The following PRKG1 variants were observed in gnomAD, a reference collection of about 807,000 sequenced individuals.
The protein encoded by PRKG1 is cGMP-dependent protein kinase 1.
Under a neutral mutation model 88.1 loss-of-function variants are expected in PRKG1, and 35 were observed. That is an observed-to-expected ratio of 0.40 (90% CI 0.30 to 0.53). The LOEUF (loss-of-function observed/expected upper bound fraction) is 0.53, where lower values mean the gene tolerates loss of function less well. Ranked by LOEUF, PRKG1 falls within the 20% of genes least tolerant of loss-of-function variation. The pLI is 0.59. For missense variants in PRKG1, 540 were observed against 839.8 expected, an observed-to-expected ratio of 0.64 and a Z score of 4.41; for synonymous variants, 303 against 292.5, an observed-to-expected ratio of 1.04 and a Z score of -0.37.
At chr10:51,679,776 G>A (rs536421438) in intron 3 of PRKG1, among the ~76,000 whole-genome samples, 1 of 139,884 alleles carries the variant, frequency 7.1e-6, no homozygotes, top group Non-Finnish European at 1.5e-5. Flanking sequence ...ACATTGTGCA[G>A]GTTAGTTACA....
chr10:51,330,164 T>A (rs1280454668), intron 2 of PRKG1, among the ~76,000 whole-genome samples: 1 of 149,308 alleles, frequency 6.7e-6, no homozygotes, highest in East Asian at 1.9e-4. Flanking sequence ...TTATTTTTTT[T>A]TTTTGAGATG....
rs112771299 is a variant in PRKG1 at position 52,089,771 on chromosome 10, A to T, written c.935+27140A>T. Reference sequence around the variant, plus strand: ...GACACCCTCATAGCAACCAACCAACACATCTAGGGCTTAGATTATTGTTTC... The same window carrying T: ...GACACCCTCATAGCAACCAACCAACTCATCTAGGGCTTAGATTATTGTTTC... On this transcript the variant is annotated intron_variant, in intron 7 of 17. Coordinates refer to ENST00000373980, the MANE Select transcript of PRKG1 (RefSeq NM_006258.4). 4.7e-3 allele frequency among the ~76,000 whole-genome samples: 678 copies of T among 144,152 alleles called. 9 individuals carry two copies. The highest frequency in any genetic ancestry group is 0.017 in the African/African-American group (639 of 38,100). 94.6% of individuals were successfully genotyped at this position (144,152 alleles called of 152,430 possible).
intron 3 of PRKG1, among the ~76,000 whole-genome samples, chr10:51,650,722 A>G (rs1461830310): frequency 6.6e-6 from 1 of 152,214 alleles, no homozygotes; most frequent in Non-Finnish European, 1.5e-5. Context: ...TATCACTAAC[A>G]CTGTATTGAT....
chr10:51,174,758 A>G (rs761944817), intron 2 of PRKG1, among the ~76,000 whole-genome samples: 3 of 152,020 alleles, frequency 2.0e-5, no homozygotes, highest in Non-Finnish European at 2.9e-5. Context: ...ATGATCCATT[A>G]ACTGTATTTT....
intron 12 of PRKG1, 56 bp from the exon 13 acceptor site, chr10:52,280,733 G>T: frequency 6.5e-7 from 1 of 1,550,364 alleles, no homozygotes; most frequent in African/African-American, 1.4e-5. Flanking sequence ...AAAAAATAAA[G>T]CCATATTACA....
intron 7 of PRKG1, among the ~76,000 whole-genome samples, chr10:52,106,811 CAA>C (rs1438496210): frequency 6.6e-6 from 1 of 151,140 alleles, no homozygotes; most frequent in Non-Finnish European, 1.5e-5. Flanking sequence ...ATTTTCAATT[CAA>C]AAAAGCAAAT....
At chr10:52,043,333 A>G (rs974278986) in intron 5 of PRKG1, among the ~76,000 whole-genome samples, 21 of 152,124 alleles carry the variant, frequency 1.4e-4, no homozygotes, top group African/African-American at 4.8e-4. Flanking sequence ...TAGTGCTGCA[A>G]TGAAGGAATG....
At chr10:51,507,233 A>G (rs569613196) in intron 3 of PRKG1, among the ~76,000 whole-genome samples, 1 of 152,122 alleles carries the variant, frequency 6.6e-6, no homozygotes, top group South Asian at 2.1e-4. Context: ...GCACAGCAAC[A>G]TGGCACATGT....
chr10:51,640,954 G>A (rs1239540083), intron 3 of PRKG1, among the ~76,000 whole-genome samples: 2 of 151,930 alleles, frequency 1.3e-5, no homozygotes, highest in Non-Finnish European at 2.9e-5. Flanking sequence ...TGCTGAATTT[G>A]TAGAGTTTTG....
chr10:51,759,395 T>C (rs991272369), intron 3 of PRKG1, among the ~76,000 whole-genome samples: 5 of 152,008 alleles, frequency 3.3e-5, no homozygotes, highest in African/African-American at 9.7e-5. Flanking sequence ...GCCTCCCAAG[T>C]AGCTGGGACT....
intron 7 of PRKG1, chr10:52,128,086 A>C: frequency 1.0e-6 from 1 of 985,268 alleles, no homozygotes; most frequent in Non-Finnish European, 1.2e-6. Flanking sequence ...TTTTGAGATG[A>C]AAAGAATTTG....
At chr10:51,063,371 T>C (rs1843713601) in intron 1 of PRKG1, among the ~76,000 whole-genome samples, 1 of 152,200 alleles carries the variant, frequency 6.6e-6, no homozygotes, top group Non-Finnish European at 1.5e-5. Context: ...ACACCCAGAC[T>C]ATATGATATA....
intron 7 of PRKG1, chr10:52,081,771 T>TG: frequency 2.3e-6 from 1 of 443,518 alleles, no homozygotes; most frequent in Middle Eastern, 3.4e-4. Flanking sequence ...TTAAGTAGGG[T>TG]GGTCGGTATG....
At chr10:51,131,780 G>T (rs1845573983) in intron 1 of PRKG1, among the ~76,000 whole-genome samples, 1 of 152,048 alleles carries the variant, frequency 6.6e-6, no homozygotes, top group African/African-American at 2.4e-5. Context: ...ACAAATGTGT[G>T]ATAAGAAGAG....
chr10:51,249,849 G>T (rs10996324), intron 2 of PRKG1, among the ~76,000 whole-genome samples: 3 of 151,702 alleles, frequency 2.0e-5, no homozygotes, highest in African/African-American at 7.3e-5. Context: ...GGGCATATTT[G>T]TCATCTTTGT....
intron 2 of PRKG1, among the ~76,000 whole-genome samples, chr10:51,325,856 C>G (rs1423465184): frequency 1.3e-5 from 2 of 152,096 alleles, no homozygotes; most frequent in Admixed American, 6.6e-5. Flanking sequence ...AGTCTCAGCT[C>G]CAACCATTCT....
rs145935206 is a variant in PRKG1, at chr10:51,324,249, C to T, written c.479-143474C>T. On this transcript the variant is annotated intron_variant, in intron 2 of 17. Coordinates refer to ENST00000373980, the MANE Select transcript of PRKG1 (RefSeq NM_006258.4). ...CATTAACCAACTGTTCTTCATTCCC[C>T]ATCCTTCCTTTCCTTCCAGGCCTCT... is the stretch of plus-strand genomic sequence containing the variant. Among the ~76,000 whole-genome samples the T allele has an allele frequency of 2.8e-3, 420 of 152,174 alleles. 8 individuals carry two copies. Among genetic ancestry groups the T allele is most frequent in the East Asian group, 0.013 (67 of 5,174 alleles).
At chr10:51,130,946 A>C (rs916490212) in intron 1 of PRKG1, among the ~76,000 whole-genome samples, 1 of 152,136 alleles carries the variant, frequency 6.6e-6, no homozygotes, top group Non-Finnish European at 1.5e-5. Context: ...AAGAAAAGCT[A>C]AATAGTGATT....
At chr10:52,130,662 A>G (rs1486012153) in intron 7 of PRKG1, among the ~76,000 whole-genome samples, 1 of 152,178 alleles carries the variant, frequency 6.6e-6, no homozygotes, top group Non-Finnish European at 1.5e-5. Flanking sequence ...ATAGTAACTT[A>G]TGCTGCCATG....
Sources: allele counts gnomAD v4.1 joint callset (sites outside exome capture counted in the v4.1 genomes callset), GRCh38; gene constraint gnomAD v4.1.1; transcripts MANE v1.5; gene names NCBI Gene and HGNC (gene_info 2026-07-23, HGNC 2026-07-21).